The following PRKG1 variants were observed in gnomAD, a reference collection of about 807,000 sequenced individuals.
PRKG1 encodes protein kinase cGMP-dependent 1, also known as cGMP-dependent protein kinase 1.
A neutral mutation model predicts 88.1 loss-of-function variants in PRKG1; 35 were observed. That is an observed-to-expected ratio of 0.40 (90% CI 0.30 to 0.53). The LOEUF (loss-of-function observed/expected upper bound fraction) is 0.53, where lower values mean the gene tolerates loss of function less well. Ranked by LOEUF, PRKG1 falls within the 20% of genes least tolerant of loss-of-function variation. The probability of loss-of-function intolerance (pLI) is 0.59; values close to 1 mark genes in which losing one functional copy is unlikely to be tolerated. For missense variants in PRKG1, 540 were observed against 839.8 expected (o/e 0.64, Z 4.41); for synonymous variants, 303 against 292.5 (o/e 1.04, Z -0.37).
At chr10:51,640,096 C>A (rs1839759795) in intron 3 of PRKG1, among the ~76,000 whole-genome samples, 1 of 152,176 alleles carries the variant, frequency 6.6e-6, no homozygotes, top group South Asian at 2.1e-4. Context: ...GTGCTTCAGT[C>A]TTCATTGTCA....
intron 2 of PRKG1, among the ~76,000 whole-genome samples, chr10:51,466,841 C>T (rs1337127660): frequency 6.6e-6 from 1 of 151,950 alleles, no homozygotes. Context: ...AACTCTCTTG[C>T]CAGGCATTAA....
At chr10:51,300,320 A>T (rs1302624995) in intron 2 of PRKG1, among the ~76,000 whole-genome samples, 2 of 152,164 alleles carry the variant, frequency 1.3e-5, no homozygotes, top group African/African-American at 4.8e-5. Context: ...CTTGGGTGTT[A>T]TTCACATCTA....
intron 8 of PRKG1, among the ~76,000 whole-genome samples, chr10:52,139,659 T>C (rs569436536): frequency 1.3e-5 from 2 of 152,170 alleles, no homozygotes; most frequent in South Asian, 4.1e-4. Flanking sequence ...TTTATGTAAC[T>C]CTTCTCAGGG....
chr10:52,072,158 C>CTTTTTTTTTTTTT (rs60576406), intron 7 of PRKG1, among the ~76,000 whole-genome samples: 41 of 39,564 alleles, frequency 1.0e-3, no homozygotes, highest in Admixed American at 1.8e-3. Context: ...TATTGTTTTG[C>CTTTTTTTTTTTTT]TTTTTTTTTT....
intron 3 of PRKG1, among the ~76,000 whole-genome samples, chr10:51,751,300 C>T (rs1374924678): frequency 2.0e-5 from 3 of 152,070 alleles, no homozygotes; most frequent in Admixed American, 2.0e-4. Flanking sequence ...TGCAGTGGTG[C>T]GATCTCGGCT....
intron 3 of PRKG1, among the ~76,000 whole-genome samples, chr10:51,757,004 A>G (rs1837885351): frequency 6.6e-6 from 1 of 152,084 alleles, no homozygotes; most frequent in Admixed American, 6.5e-5. Context: ...TATATTTGCA[A>G]GAAACTGAGA....
At chr10:51,220,525 A>G (rs1311311927) in intron 2 of PRKG1, among the ~76,000 whole-genome samples, 1 of 152,190 alleles carries the variant, frequency 6.6e-6, no homozygotes, top group African/African-American at 2.4e-5. Flanking sequence ...AGGGTGTAAA[A>G]AATGCACAAA....
chr10:52,120,987 A>C (rs934611516), intron 7 of PRKG1, among the ~76,000 whole-genome samples: 4 of 152,060 alleles, frequency 2.6e-5, no homozygotes, highest in Admixed American at 6.6e-5. Flanking sequence ...CTTGCAAACT[A>C]TGTGCACTTT....
At chr10:51,487,936 G>A (rs113283651) in intron 3 of PRKG1, among the ~76,000 whole-genome samples, 9 of 152,218 alleles carry the variant, frequency 5.9e-5, no homozygotes, top group Admixed American at 2.6e-4. Context: ...CTATGTTAAC[G>A]TAGTTTTAAA....
intron 3 of PRKG1, among the ~76,000 whole-genome samples, chr10:51,539,566 A>C (rs1034141893): frequency 6.6e-6 from 1 of 152,144 alleles, no homozygotes; most frequent in African/African-American, 2.4e-5. Flanking sequence ...GACTTGACCG[A>C]CTTCTAAAAC....
chr10:51,386,321 T>G (rs1837247572), intron 2 of PRKG1, among the ~76,000 whole-genome samples: 1 of 152,136 alleles, frequency 6.6e-6, no homozygotes, highest in Non-Finnish European at 1.5e-5. Flanking sequence ...GTTAAGGAAT[T>G]GGCTCACACA....
rs147040710 is a variant in PRKG1 at position 51,248,006 on chromosome 10, A to T, written c.478+94676A>T. 2.6e-3 allele frequency among the ~76,000 whole-genome samples: 392 copies of T among 152,084 alleles called. 7 individuals carry two copies. Among genetic ancestry groups the T allele is most frequent in the Admixed American group, 0.024 (371 of 15,210 alleles). On this transcript the variant is annotated intron_variant, in intron 2 of 17. Transcript: ENST00000373980. ...TGAATTACTGTGTCTGTTAACAACAACAATAAAGGTAACGGCAAAGTGGTA... is the reference window on the plus strand; with the variant it reads ...TGAATTACTGTGTCTGTTAACAACATCAATAAAGGTAACGGCAAAGTGGTA...
At chr10:51,920,367 T>A (rs1479999477) in intron 5 of PRKG1, among the ~76,000 whole-genome samples, 2 of 152,152 alleles carry the variant, frequency 1.3e-5, no homozygotes, top group Admixed American at 1.3e-4. Flanking sequence ...AGAGCTGAAC[T>A]GTTGTCAGTT....
intron 5 of PRKG1, among the ~76,000 whole-genome samples, chr10:51,916,792 G>A (rs1186337665): frequency 7.2e-5 from 11 of 152,156 alleles, no homozygotes; most frequent in Admixed American, 5.9e-4. Flanking sequence ...GCTGATGGAT[G>A]GGTAAATAAA....
intron 7 of PRKG1, among the ~76,000 whole-genome samples, chr10:52,081,296 G>C (rs1361323799): frequency 2.0e-5 from 3 of 152,114 alleles, no homozygotes; most frequent in Non-Finnish European, 4.4e-5. Flanking sequence ...CATTATCTGA[G>C]CTAGCTACTT....
At chr10:51,751,494 C>T (rs1415722975) in intron 3 of PRKG1, among the ~76,000 whole-genome samples, 1 of 152,150 alleles carries the variant, frequency 6.6e-6, no homozygotes, top group African/African-American at 2.4e-5. Context: ...TCCTAAAGTG[C>T]TGGGATTACA....
chr10:51,009,538 G>A (rs1386134537), intron 1 of PRKG1, among the ~76,000 whole-genome samples: 1 of 152,130 alleles, frequency 6.6e-6, no homozygotes, highest in African/African-American at 2.4e-5. Flanking sequence ...CCACTGAAAA[G>A]TTAAGCTTTC....
At chr10:51,663,702 C>CAA (rs56804341) in intron 3 of PRKG1, among the ~76,000 whole-genome samples, 55 of 72,650 alleles carry the variant, frequency 7.6e-4, no homozygotes, top group South Asian at 2.0e-3. Flanking sequence ...GACCCTGTCT[C>CAA]AAAAAAAAAA....
chr10:52,246,366 A>G (rs1170453179), intron 9 of PRKG1, among the ~76,000 whole-genome samples: 1 of 152,116 alleles, frequency 6.6e-6, no homozygotes, highest in Non-Finnish European at 1.5e-5. Context: ...TTAGAAAGAG[A>G]GATGGGGAAG....
Sources: allele counts gnomAD v4.1 joint callset (sites outside exome capture counted in the v4.1 genomes callset), GRCh38; gene constraint gnomAD v4.1.1; transcripts MANE v1.5; gene names NCBI Gene and HGNC (gene_info 2026-07-23, HGNC 2026-07-21).